The following ANKRD26 variants were observed in gnomAD, a reference collection of about 807,000 sequenced individuals.
The protein encoded by ANKRD26 is ankyrin repeat domain-containing protein 26.
A neutral mutation model predicts 208.7 loss-of-function variants in ANKRD26; 141 were observed. That is an observed-to-expected ratio of 0.68 (90% CI 0.59 to 0.78). The LOEUF is 0.78. Ranked by LOEUF, ANKRD26 falls within the 30% of genes least tolerant of loss-of-function variation. ANKRD26 has a pLI of 0.00. For missense variants in ANKRD26, 1,889 were observed against 1,938.7 expected, an observed-to-expected ratio of 0.97 and a Z score of 0.48; for synonymous variants, 636 against 660.4, an observed-to-expected ratio of 0.96 and a Z score of 0.57.
At chr10:26,998,948 G>C (rs762523956) in intron 4 of ANKRD26, among the ~76,000 whole-genome samples, 1 of 152,126 alleles carries the variant, frequency 6.6e-6, no homozygotes, top group Non-Finnish European at 1.5e-5. Flanking sequence ...ATAAAGTAGC[G>C]GTATACGTGG....
At chr10:27,028,461 G>C (rs2053746505) in intron 27 of ANKRD26, among the ~76,000 whole-genome samples, 1 of 151,390 alleles carries the variant, frequency 6.6e-6, no homozygotes, top group South Asian at 2.1e-4. Context: ...ACCGGGTGTG[G>C]TGGCGGGCTC....
chr10:27,067,572 G>C (rs1161173271), intron 9 of ANKRD26, among the ~76,000 whole-genome samples: 1 of 152,156 alleles, frequency 6.6e-6, no homozygotes, highest in African/African-American at 2.4e-5. Flanking sequence ...AAGGCAAAGA[G>C]GGGGCAGGTG....
intron 9 of ANKRD26, among the ~76,000 whole-genome samples, chr10:27,072,196 A>G (rs557037600): frequency 1.7e-3 from 264 of 152,306 alleles, no homozygotes; most frequent in African/African-American, 6.2e-3. Context: ...GACAATTTTG[A>G]GTTCCAAGCA....
Position 27,093,723 on chromosome 10 carries a change from T to A in ANKRD26, c.319A>T (p.Asn107Tyr), listed in dbSNP as rs777897967. The A allele has an allele frequency of 4.3e-6, 7 of 1,614,144 alleles. No homozygotes were observed. The Admixed American group carries it at 1.0e-4, about 23-fold the overall frequency. The part of the protein sequence containing the change: ...TLLVDRKCQL[N>Y]VCDNENRTAL... ...GTCCTGTTTTCGTTGTCACAGACAT[T>A]GAGCTGGCATTTTCTGTCCACCAGG... is the stretch of plus-strand genomic sequence containing the variant. The change falls in exon 2 of 34, where the codon AAT becomes TAT. Residue 107 changes from asparagine to tyrosine, a missense_variant. By Grantham distance (143) the Asn-to-Tyr change is moderately radical. Around this residue, in one of 3 missense-constraint regions of ANKRD26, gnomAD observed 1,272 missense variants for 1,273.8 expected, o/e 1.00. Transcript: ENST00000376087.
At chr10:27,033,049 C>T (rs899068847) in intron 25 of ANKRD26, among the ~76,000 whole-genome samples, 176 bp downstream of exon 25, 16 of 150,040 alleles carry the variant, frequency 1.1e-4, no homozygotes, top group African/African-American at 3.9e-4. Context: ...TGCCACTGCA[C>T]TCCAGCCTGG....
chr10:27,053,175 T>A, intron 16 of ANKRD26, 145 bp downstream of exon 16: 1 of 596,128 alleles, frequency 1.7e-6, no homozygotes, highest in Admixed American at 2.9e-5. Flanking sequence ...TTTTAACTAG[T>A]CAAAACGTTT....
At chr10:26,963,988 T>C in the ANKRD26 span, among the ~76,000 whole-genome samples, 2 of 142,562 alleles carry the variant, frequency 1.4e-5, no homozygotes, top group East Asian at 4.6e-4. Context: ...CTCGGCTTAC[T>C]GCAACCTCTG....
chr10:27,000,369 C>T (rs1348834317), downstream of ANKRD26, among the ~76,000 whole-genome samples: 1 of 152,148 alleles, frequency 6.6e-6, no homozygotes, highest in Admixed American at 6.5e-5. Flanking sequence ...GCAATTTCAA[C>T]AAAATGTGGA....
chr10:26,996,295 C>T (rs889548214), intron 4 of ANKRD26, among the ~76,000 whole-genome samples: 3 of 152,136 alleles, frequency 2.0e-5, no homozygotes, highest in Admixed American at 6.6e-5. Flanking sequence ...GGCACAGTGG[C>T]TCATGCCTGT....
chr10:26,961,182 A>C, the ANKRD26 span, among the ~76,000 whole-genome samples: 1 of 150,344 alleles, frequency 6.7e-6, no homozygotes, highest in Non-Finnish European at 1.5e-5. Flanking sequence ...ATACCACTGC[A>C]CTCCAGCCTG....
intron 30 of ANKRD26, among the ~76,000 whole-genome samples, chr10:27,016,254 G>A (rs182062791): frequency 2.6e-5 from 4 of 152,186 alleles, no homozygotes; most frequent in Admixed American, 2.6e-4. Flanking sequence ...CCCTCAAAGT[G>A]CTAGGATTAC....
the ANKRD26 span, among the ~76,000 whole-genome samples, chr10:26,967,055 C>T: frequency 3.9e-5 from 6 of 152,118 alleles, no homozygotes; most frequent in Admixed American, 1.3e-4. Flanking sequence ...AACCCGATGA[C>T]GTGTGAGTAT....
intron 4 of ANKRD26, among the ~76,000 whole-genome samples, chr10:27,086,913 A>C (rs2056143362): frequency 6.6e-6 from 1 of 151,844 alleles, no homozygotes; most frequent in Admixed American, 6.6e-5. Flanking sequence ...CTGGGATTAC[A>C]GGTACCCGTC....
intron 22 of ANKRD26, 50 bp downstream of exon 22, chr10:27,037,821 G>T: frequency 1.4e-6 from 2 of 1,380,410 alleles, no homozygotes; most frequent in Non-Finnish European, 1.0e-6. Context: ...TGTGATAATA[G>T]TGATGAAATA....
Position 27,035,180 on chromosome 10 carries a change from C to G in ANKRD26, c.3270G>C (p.Lys1090Asn), listed in dbSNP as rs554482878. ...TTTGTACCCGTTCTAAACCCAAAGT[C>G]TTTTCTCTGAGGGCATCTCTCGTGT... ...FHHTRDALREKTLGLERVQKD... is the reference protein window; with the variant it reads ...FHHTRDALRENTLGLERVQKD... Residue 1090 changes from lysine (K) to asparagine (N), a missense_variant, in exon 24 of 34, where the codon AAG becomes AAC. By Grantham distance (94) the Lys-to-Asn change is moderately conservative. Around this residue, in one of 3 missense-constraint regions of ANKRD26, gnomAD observed 1,272 missense variants for 1,273.8 expected, o/e 1.00. Transcript: ENST00000376087. The G allele has an allele frequency of 1.9e-6, 3 of 1,614,000 alleles. No individual in the cohort carries two copies. Among genetic ancestry groups the G allele is most frequent in the African/African-American group, 2.7e-5 (2 of 75,046 alleles).
chr10:27,043,220 A>C (rs929783380), intron 20 of ANKRD26, among the ~76,000 whole-genome samples: 1 of 151,148 alleles, frequency 6.6e-6, no homozygotes, highest in African/African-American at 2.5e-5. Flanking sequence ...AAACTGGGAG[A>C]AAAAAATCCC....
downstream of ANKRD26, among the ~76,000 whole-genome samples, chr10:26,988,171 G>A (rs752891998): frequency 7.2e-5 from 11 of 152,114 alleles, no homozygotes; most frequent in Non-Finnish European, 1.0e-4. Context: ...GAAATCTGGT[G>A]TGCAGTTCCT....
intron 29 of ANKRD26, among the ~76,000 whole-genome samples, chr10:27,020,378 G>T (rs571982859): frequency 2.0e-5 from 3 of 151,876 alleles, no homozygotes; most frequent in African/African-American, 7.3e-5. Context: ...TAGAACACCG[G>T]AATGCATTCC....
Position 27,048,981 on chromosome 10 carries a change from T to A in ANKRD26, c.1636-2A>T, listed in dbSNP as rs781177669. 7.5e-6 allele frequency: 12 copies of A among 1,592,804 alleles called. No homozygotes were observed. Among genetic ancestry groups the A allele is most frequent in the Non-Finnish European group, 2.6e-6 (3 of 1,166,644 alleles). ...GTGTTTTTTCCTTTCTTCTTCAACC[T>A]TTAATGAAAGTTTGATACTAAGGAA... On this transcript the variant is annotated splice_acceptor_variant, in intron 16 of 33. Coordinates refer to ENST00000376087, the MANE Select transcript of ANKRD26 (RefSeq NM_014915.3). LOFTEE classifies it high-confidence loss of function.
Sources: allele counts gnomAD v4.1 joint callset (sites outside exome capture counted in the v4.1 genomes callset), GRCh38; gene constraint gnomAD v4.1.1; regional missense constraint gnomAD v4.1.1; transcripts MANE v1.5; gene names NCBI Gene and HGNC (gene_info 2026-07-23, HGNC 2026-07-21).